REV3L: variants seen among roughly 807,000 people sequenced by gnomAD.
REV3L encodes the protein DNA polymerase zeta catalytic subunit.
Under a neutral mutation model 299.4 loss-of-function variants are expected in REV3L, and 69 were observed. That is an observed-to-expected ratio of 0.23 (90% confidence interval 0.19 to 0.28). The LOEUF is 0.28. Ranked by LOEUF, REV3L falls within the 10% of genes least tolerant of loss-of-function variation. The pLI, the probability that REV3L is intolerant of heterozygous loss-of-function variation, is 1.00. For synonymous variants in REV3L, 1,238 were observed against 1,271.4 expected, an observed-to-expected ratio of 0.97 and a Z score of 0.56; for missense variants, 3,128 against 3,693.8, an observed-to-expected ratio of 0.85 and a Z score of 3.97.
chr6:111,471,906 G>T, intron 1 of REV3L: 2 of 476,768 alleles, frequency 4.2e-6, no homozygotes, highest in Non-Finnish European at 6.0e-6. Flanking sequence ...TAAAGAGGTT[G>T]ATATTTAAGT....
At chr6:111,422,649 C>CGTATAT (rs1486494405) in intron 1 of REV3L, among the ~76,000 whole-genome samples, 1 of 22,508 alleles carries the variant, frequency 4.4e-5, no homozygotes, top group South Asian at 1.7e-3. Flanking sequence ...TATATATATA[C>CGTATAT]ATATATATAT....
chr6:111,333,944 A>G (rs1775655938), intron 22 of REV3L, among the ~76,000 whole-genome samples: 1 of 152,084 alleles, frequency 6.6e-6, no homozygotes, highest in Non-Finnish European at 1.5e-5. Flanking sequence ...TTTATTATTT[A>G]CTTATTTATT....
chr6:111,401,111 T>C (rs1017365177), intron 4 of REV3L, among the ~76,000 whole-genome samples: 20 of 152,264 alleles, frequency 1.3e-4, no homozygotes, highest in African/African-American at 4.8e-4. Flanking sequence ...GTTCCATTGG[T>C]ATATGTGTTT....
At chr6:111,302,064 C>A (rs1017118003) in intron 31 of REV3L, among the ~76,000 whole-genome samples, 1 of 152,124 alleles carries the variant, frequency 6.6e-6, no homozygotes, top group African/African-American at 2.4e-5. Context: ...GGCTCACAGG[C>A]CAGTGAAGTT....
At chr6:111,405,719 C>T (rs1783549766) in intron 3 of REV3L, 89 bp from the exon 4 acceptor site, 1 of 739,450 alleles carries the variant, frequency 1.4e-6, no homozygotes, top group Non-Finnish European at 2.1e-6. Context: ...CAGAACAAAG[C>T]ACTTATTAGC....
intron 1 of REV3L, among the ~76,000 whole-genome samples, chr6:111,442,044 C>A (rs1788326907): frequency 6.6e-6 from 1 of 152,216 alleles, no homozygotes; most frequent in Non-Finnish European, 1.5e-5. Context: ...AGATACTTCC[C>A]TTTCCCTGAG....
intron 19 of REV3L, among the ~76,000 whole-genome samples, chr6:111,350,723 C>T (rs1777495096): frequency 6.6e-6 from 1 of 151,228 alleles, no homozygotes; most frequent in Non-Finnish European, 1.5e-5. Context: ...ACTACAGGCA[C>T]AAGCTATCAC....
At chr6:111,322,285 C>T (rs1375532871) in intron 26 of REV3L, among the ~76,000 whole-genome samples, 1 of 152,172 alleles carries the variant, frequency 6.6e-6, no homozygotes, top group Admixed American at 6.5e-5. Context: ...ATAAACTAGA[C>T]TCCTGTGTAC....
At chr6:111,414,022 A>G (rs1031640184) in intron 2 of REV3L, among the ~76,000 whole-genome samples, 2 of 152,268 alleles carry the variant, frequency 1.3e-5, no homozygotes, top group South Asian at 4.1e-4. Flanking sequence ...TTATCCAACC[A>G]AACAGTTATT....
chr6:111,392,489 T>A (rs989412806), intron 5 of REV3L, among the ~76,000 whole-genome samples: 2 of 152,150 alleles, frequency 1.3e-5, no homozygotes, highest in African/African-American at 2.4e-5. Context: ...ATTACTTATT[T>A]AATATTTATA....
chr6:111,311,209 T>G lies in REV3L; in HGVS notation c.8655A>C (p.Leu2885=). The change falls in exon 29 of 32, where the codon CTA becomes CTC. Residue 2885 remains leucine (L), a synonymous_variant. Transcript: ENST00000368802. ...KLLFETRDIS[L]IKQYVQRQCM... ...ATTGTCGCTGAACATACTGTTTAAT[T>G]AGACTTATATCTCTCGTTTCAAATA... The G allele has an allele frequency of 6.2e-7, 1 of 1,613,358 alleles. No homozygotes were observed. Among genetic ancestry groups the G allele is most frequent in the African/African-American group, 1.3e-5 (1 of 75,050 alleles).
chr6:111,430,263 G>A (rs938735205), intron 1 of REV3L: 4 of 945,464 alleles, frequency 4.2e-6, no homozygotes, highest in Admixed American at 3.4e-5. Context: ...CAACTGGCGA[G>A]ACAATTGCAG....
intron 1 of REV3L, among the ~76,000 whole-genome samples, chr6:111,476,761 A>G (rs759179549): frequency 2.0e-5 from 3 of 152,226 alleles, no homozygotes; most frequent in Non-Finnish European, 4.4e-5. Context: ...TAATTTATGA[A>G]TCATTTTGCA....
chr6:111,439,168 G>A (rs1256486069), intron 1 of REV3L, among the ~76,000 whole-genome samples: 1 of 151,786 alleles, frequency 6.6e-6, no homozygotes, highest in Non-Finnish European at 1.5e-5. Context: ...ATGTTTTTTT[G>A]CTAATGACTT....
At chr6:111,483,415 C>A (rs1466495821), upstream of REV3L, 1 of 428,734 alleles carries the variant, frequency 2.3e-6, no homozygotes, top group East Asian at 4.0e-5. Flanking sequence ...CGGCCGGCAG[C>A]GCCCGCGCGG....
intron 22 of REV3L, among the ~76,000 whole-genome samples, chr6:111,334,574 T>C (rs1775727703): frequency 6.6e-6 from 1 of 152,168 alleles, no homozygotes; most frequent in African/African-American, 2.4e-5. Flanking sequence ...TTGTTTCTAA[T>C]AATAACTATT....
intron 31 of REV3L, among the ~76,000 whole-genome samples, chr6:111,305,776 G>A (rs1772218111): frequency 6.6e-6 from 1 of 151,908 alleles, no homozygotes; most frequent in African/African-American, 2.4e-5. Context: ...AGCCCTGGAG[G>A]TCCTGCTCTC....
chr6:111,399,301 T>A (rs1011568449), intron 4 of REV3L, among the ~76,000 whole-genome samples: 1 of 152,176 alleles, frequency 6.6e-6, no homozygotes, highest in East Asian at 1.9e-4. Context: ...AACTTTAGAT[T>A]TACAGAAAAG....
intron 1 of REV3L, chr6:111,471,966 C>A: frequency 9.3e-7 from 1 of 1,072,464 alleles, no homozygotes; most frequent in Admixed American, 4.5e-5. Context: ...CAAGGCTCAC[C>A]CCCACCCCCC....
Sources: allele counts gnomAD v4.1 joint callset (sites outside exome capture counted in the v4.1 genomes callset), GRCh38; gene constraint gnomAD v4.1.1; transcripts MANE v1.5; gene names NCBI Gene and HGNC (gene_info 2026-07-23, HGNC 2026-07-21).